Variants in PLPP4 observed in about 807,000 individuals in gnomAD.
PLPP4 encodes diacylglycerol pyrophosphate like 2.
Under a neutral mutation model 32.2 loss-of-function variants are expected in PLPP4, and 20 were observed. The observed-to-expected ratio is 0.62, with a 90% CI of 0.44 to 0.90. PLPP4 has a LOEUF of 0.90. Among genes scored for constraint, PLPP4 ranks in the 40% least tolerant of loss-of-function variants. The probability of loss-of-function intolerance (pLI) is 0.00; values close to 1 mark genes in which losing one functional copy is unlikely to be tolerated. For missense variants in PLPP4, 257 were observed against 353.1 expected, an observed-to-expected ratio of 0.73 and a Z score of 2.18; for synonymous variants, 127 against 133.0, an observed-to-expected ratio of 0.95 and a Z score of 0.31.
intron 5 of PLPP4, among the ~76,000 whole-genome samples, chr10:120,567,002 G>GCT (rs1848722119): frequency 6.6e-6 from 1 of 152,198 alleles, no homozygotes; most frequent in Admixed American, 6.5e-5. Context: ...CCACAGACAT[G>GCT]CTCGGGGCCA....
At chr10:120,503,774 A>C in intron 1 of PLPP4, 44 bp from the exon 2 acceptor site, 1 of 1,596,054 alleles carries the variant, frequency 6.3e-7, no homozygotes, top group Non-Finnish European at 8.6e-7. Context: ...TTCCCACAGC[A>C]ACAGAACGCT....
intron 1 of PLPP4, among the ~76,000 whole-genome samples, chr10:120,483,216 G>A (rs969882332): frequency 6.6e-6 from 1 of 152,150 alleles, no homozygotes; most frequent in Non-Finnish European, 1.5e-5. Context: ...ACAGACTGAA[G>A]GCTGCCTCTC....
At chr10:120,475,640 C>T (rs573754348) in intron 1 of PLPP4, among the ~76,000 whole-genome samples, 6 of 152,296 alleles carry the variant, frequency 3.9e-5, no homozygotes, top group East Asian at 3.9e-4. Context: ...TGAGTGAGCC[C>T]GGCCTTTGGG....
intron 1 of PLPP4, among the ~76,000 whole-genome samples, chr10:120,502,149 G>T (rs1364338917): frequency 6.6e-6 from 1 of 152,190 alleles, no homozygotes; most frequent in Non-Finnish European, 1.5e-5. Context: ...GGGTTGACTG[G>T]GTTCTGTGAT....
At chr10:120,523,811 G>A (rs1199843806) in intron 5 of PLPP4, among the ~76,000 whole-genome samples, 2 of 152,184 alleles carry the variant, frequency 1.3e-5, no homozygotes, top group Non-Finnish European at 2.9e-5. Flanking sequence ...GTTGGTAGGG[G>A]ACTGTAGCAC....
intron 6 of PLPP4, chr10:120,581,439 CT>C: frequency 2.9e-6 from 1 of 348,576 alleles, no homozygotes. Flanking sequence ...CCTTTAGAGC[CT>C]GCGTTAGCAC....
At chr10:120,579,585 C>G (rs1849384374) in intron 6 of PLPP4, among the ~76,000 whole-genome samples, 1 of 152,188 alleles carries the variant, frequency 6.6e-6, no homozygotes, top group African/African-American at 2.4e-5. Flanking sequence ...CAAAATACTT[C>G]TGGCCTCAAG....
At chr10:120,581,535 T>C (rs1281188126) in intron 6 of PLPP4, among the ~76,000 whole-genome samples, 3 of 152,186 alleles carry the variant, frequency 2.0e-5, no homozygotes, top group African/African-American at 7.2e-5. Context: ...TAAGATCTGC[T>C]CCCTCCGTAC....
chr10:120,530,150 TA>T (rs1426299199), intron 5 of PLPP4, among the ~76,000 whole-genome samples: 2 of 152,240 alleles, frequency 1.3e-5, no homozygotes, highest in African/African-American at 4.8e-5. Context: ...TTTAGCATTT[TA>T]AGGTAAAATT....
chr10:120,505,582 T>C (rs1026905579), intron 2 of PLPP4, among the ~76,000 whole-genome samples: 1 of 152,210 alleles, frequency 6.6e-6, no homozygotes, highest in African/African-American at 2.4e-5. Context: ...ATTGGAAAGA[T>C]CTGTGTTTTT....
chr10:120,487,750 A>C (rs1180425923), intron 1 of PLPP4, among the ~76,000 whole-genome samples: 1 of 152,202 alleles, frequency 6.6e-6, no homozygotes, highest in Non-Finnish European at 1.5e-5. Flanking sequence ...CTCTAAAGTC[A>C]TCCAGTCCAG....
At chr10:120,570,845 G>T (rs559169918) in intron 5 of PLPP4, among the ~76,000 whole-genome samples, 3 of 152,082 alleles carry the variant, frequency 2.0e-5, no homozygotes, top group African/African-American at 4.8e-5. Flanking sequence ...GTAATGCTTT[G>T]CCTATCTACC....
intron 1 of PLPP4, among the ~76,000 whole-genome samples, chr10:120,475,543 TG>T (rs1389877833): frequency 2.0e-5 from 3 of 152,224 alleles, no homozygotes; most frequent in Non-Finnish European, 4.4e-5. Context: ...AAGGAAGTCC[TG>T]GCAGTTCCCT....
At chr10:120,537,892 CT>C (rs1225481099) in intron 5 of PLPP4, among the ~76,000 whole-genome samples, 2 of 151,564 alleles carry the variant, frequency 1.3e-5, no homozygotes, top group Non-Finnish European at 2.9e-5. Flanking sequence ...TCCGCATTCC[CT>C]TTTTCTGGAA....
At chr10:120,497,019 T>G (rs1354426903) in intron 1 of PLPP4, among the ~76,000 whole-genome samples, 1 of 151,918 alleles carries the variant, frequency 6.6e-6, no homozygotes, top group African/African-American at 2.4e-5. Context: ...AGTCTGGGGA[T>G]CCTCCTAGGG....
intron 1 of PLPP4, among the ~76,000 whole-genome samples, chr10:120,474,284 T>A (rs1843800476): frequency 6.6e-6 from 1 of 152,134 alleles, no homozygotes; most frequent in Admixed American, 6.5e-5. Context: ...AAAAAATTTA[T>A]CATTTATCCA....
Position 120,464,946 on chromosome 10 carries a change from A to G in PLPP4, c.56+7585A>G, listed in dbSNP as rs377565280. ...TGTTTGAAATACTACTTGCCACTGT[A>G]AAATGAGTTGGCTGTACCCAGAATT... is the stretch of plus-strand genomic sequence containing the variant. On this transcript the variant is annotated intron_variant, in intron 1 of 6. Coordinates refer to ENST00000398250, the MANE Select transcript of PLPP4 (RefSeq NM_001030059.3). Among the ~76,000 whole-genome samples the G allele has an allele frequency of 2.0e-5, 3 of 152,306 alleles. No individual in the cohort carries two copies. In the South Asian group the frequency reaches 6.2e-4, roughly 32 times the overall value.
intron 2 of PLPP4, among the ~76,000 whole-genome samples, chr10:120,511,637 T>C (rs1023735262): frequency 1.3e-5 from 2 of 152,306 alleles, no homozygotes; most frequent in East Asian, 1.9e-4. Flanking sequence ...GCCTTCATGT[T>C]TGGATTTGGA....
chr10:120,471,832 T>G (rs1848530354), intron 1 of PLPP4, among the ~76,000 whole-genome samples: 1 of 150,944 alleles, frequency 6.6e-6, no homozygotes, highest in Non-Finnish European at 1.5e-5. Context: ...TCTTTTAGAT[T>G]AGTTAGATAC....
Sources: allele counts gnomAD v4.1 joint callset (sites outside exome capture counted in the v4.1 genomes callset), GRCh38; gene constraint gnomAD v4.1.1; transcripts MANE v1.5; gene names NCBI Gene and HGNC (gene_info 2026-07-23, HGNC 2026-07-21).